KIR3DL3: variants seen among roughly 807,000 people sequenced by gnomAD.
KIR3DL3 encodes the protein killer cell immunoglobulin-like receptor 3DL3.
KIR3DL3 carries 27 observed loss-of-function variants against 34.9 expected under a neutral mutation model. The observed-to-expected ratio is 0.77, with a 90% CI of 0.57 to 1.07. KIR3DL3 has a LOEUF of 1.07. Among genes scored for constraint, KIR3DL3 ranks in the 50% least tolerant of loss-of-function variants. The probability of loss-of-function intolerance (pLI) is 0.00; values close to 1 mark genes in which losing one functional copy is unlikely to be tolerated. For synonymous variants in KIR3DL3, 217 were observed against 200.2 expected (o/e 1.08, Z -0.71); for missense variants, 681 against 528.5 (o/e 1.29, Z -2.83).
chr19:54,728,022 GA>G, intron 4 of KIR3DL3, 112 bp downstream of exon 4: 1 of 1,098,058 alleles, frequency 9.1e-7, no homozygotes, highest in Non-Finnish European at 1.3e-6. Flanking sequence ...CCTATGGAGA[GA>G]AAGTGACTTG....
intron 3 of KIR3DL3, among the ~76,000 whole-genome samples, chr19:54,726,885 AT>A (rs2068242120): frequency 7.9e-6 from 1 of 126,462 alleles, no homozygotes; most frequent in South Asian, 2.8e-4. Flanking sequence ...ACTGGGTCCG[AT>A]TTCTGTTCTC....
chr19:54,732,486 A>G (rs1204266746), intron 5 of KIR3DL3, among the ~76,000 whole-genome samples: 6 of 152,126 alleles, frequency 3.9e-5, no homozygotes, highest in East Asian at 1.9e-4. Context: ...CAAACTCCCA[A>G]TCTCAAGTGA....
At chr19:54,731,648 C>G (rs2240934) in intron 5 of KIR3DL3, among the ~76,000 whole-genome samples, 44,386 of 151,820 alleles carry the variant, frequency 0.29, 7,788 homozygotes, top group East Asian at 0.56. Context: ...ATCAAAGGGA[C>G]AGTAAGGCTG....
rs1568824487 is a variant in KIR3DL3, at chr19:54,727,880, C to G, written c.625C>G (p.Pro209Ala). 1.2e-6 allele frequency: 2 copies of G among 1,612,994 alleles called. No homozygotes were observed. Among genetic ancestry groups the G allele is most frequent in the Non-Finnish European group, 1.7e-6 (2 of 1,179,270 alleles). Residue 209 changes from proline (P) to alanine (A), a missense_variant, in exon 4 of 8, where the codon CCC (proline) becomes GCC (alanine). Physicochemically the swap from Pro to Ala is conservative, Grantham distance 27 (BLOSUM62 -1). Coordinates refer to ENST00000291860, the MANE Select transcript of KIR3DL3 (RefSeq NM_153443.5). ...VTHLPYELSA[P>A]SDPLDIVVVG... Reference sequence around the variant, plus strand: ...TCACTTACCCTATGAGTTGTCGGCTCCCAGTGACCCTCTGGACATCGTGGT... The same window carrying G: ...TCACTTACCCTATGAGTTGTCGGCTGCCAGTGACCCTCTGGACATCGTGGT...
intron 3 of KIR3DL3, 150 bp from the exon 4 acceptor site, chr19:54,727,461 G>A (rs2068311644): frequency 1.3e-6 from 1 of 765,418 alleles, no homozygotes; most frequent in South Asian, 1.9e-5. Flanking sequence ...GGAGGGACCT[G>A]CAACAGGGGT....
At chr19:54,725,451 C>G (rs900787469) in intron 2 of KIR3DL3, among the ~76,000 whole-genome samples, 169 bp downstream of exon 2, 1 of 152,254 alleles carries the variant, frequency 6.6e-6, no homozygotes, top group Non-Finnish European at 1.5e-5. Context: ...CGCCACAGTT[C>G]TGTCCTAGCC....
At chr19:54,730,713 A>G (rs1305054824) in intron 5 of KIR3DL3, among the ~76,000 whole-genome samples, 3 of 152,152 alleles carry the variant, frequency 2.0e-5, no homozygotes, top group Non-Finnish European at 4.4e-5. Flanking sequence ...AGAAATGGAA[A>G]TACTTGTAAT....
intron 4 of KIR3DL3, among the ~76,000 whole-genome samples, chr19:54,728,996 T>C (rs2068497613): frequency 1.6e-5 from 2 of 121,298 alleles, no homozygotes; most frequent in African/African-American, 5.5e-5. Flanking sequence ...TATAGAGAGA[T>C]AGAAAGACAG....
At chr19:54,727,938 C>G in intron 4 of KIR3DL3, 28 bp downstream of exon 4, 2 of 1,576,564 alleles carry the variant, frequency 1.3e-6, no homozygotes, top group Non-Finnish European at 1.7e-6. Context: ...TGCCTCTCAC[C>G]CTTGCTGGGA....
At position 54,726,322 on chromosome 19, in the gene KIR3DL3, G is replaced by T; in HGVS notation, c.340G>T (p.Val114Leu). The change falls in exon 3 of 8, where the codon GTG becomes TTG. Residue 114 changes from valine to leucine, a missense_variant. By Grantham distance (32) the Val-to-Leu change is conservative. Transcript: ENST00000291860. ...GTGGTCGGCACCCAGCAACCCTGTG[G>T]TGATCATGGTCACAGGTCAGAGGCT... ...TGWSAPSNPV[V>L]IMVTGVHRKP... 6.2e-7 allele frequency: 1 copy of T among 1,613,530 alleles called. No individual in the cohort carries two copies. The highest frequency in any genetic ancestry group is 8.5e-7 in the Non-Finnish European group (1 of 1,179,886).
chr19:54,731,245 A>G (rs1376181207), intron 5 of KIR3DL3, among the ~76,000 whole-genome samples: 3 of 152,058 alleles, frequency 2.0e-5, no homozygotes, highest in African/African-American at 7.2e-5. Context: ...ACCTCAAGTG[A>G]CCTACCCACC....
chr19:54,729,925 C>T, intron 5 of KIR3DL3, 139 bp downstream of exon 5: 1 of 556,778 alleles, frequency 1.8e-6, no homozygotes, highest in South Asian at 2.5e-5. Flanking sequence ...GGTCAGGGCG[C>T]AGGATGGCAG....
At position 54,727,684 on chromosome 19, in the gene KIR3DL3, ATGT is replaced by A; in HGVS notation, c.432_434del (p.Cys144del). On this transcript the variant is annotated inframe_deletion, in exon 4 of 8. Coordinates refer to ENST00000291860, the MANE Select transcript of KIR3DL3 (RefSeq NM_153443.5). The stretch of plus-strand genomic sequence containing the variant: ...AATCAGGAGAGACGGTCATCCTGCA[ATGT>A]TGGTCAGATGTCAGGTTTGAGCGCT... The A allele has an allele frequency of 6.2e-7, 1 of 1,612,210 alleles. No individual in the cohort carries two copies. The highest frequency in any genetic ancestry group is 8.5e-7 in the Non-Finnish European group (1 of 1,179,492).
chr19:54,730,889 C>T (rs2068717405), intron 5 of KIR3DL3, among the ~76,000 whole-genome samples: 1 of 152,246 alleles, frequency 6.6e-6, no homozygotes, highest in African/African-American at 2.4e-5. Flanking sequence ...CTGGAACAGT[C>T]ATGGGAGTGC....
At position 54,727,908 on chromosome 19, in the gene KIR3DL3, T is replaced by C; in HGVS notation, c.653T>C (p.Val218Ala). ...AGTGACCCTCTGGACATCGTGGTCG[T>C]AGGTGAGAGAATACAGACCTGCCTC... is the stretch of plus-strand genomic sequence containing the variant. Reference protein sequence around the residue: ...APSDPLDIVVVGLYGKPSLSA... With the variant: ...APSDPLDIVVAGLYGKPSLSA... The change falls in exon 4 of 8, where the codon GTA becomes GCA. Residue 218 changes from valine to alanine, a missense_variant and splice_region_variant. Transcript: ENST00000291860. 1 of 1,606,862 alleles carries C rather than the reference T, an allele frequency of 6.2e-7. No individual in the cohort carries two copies. The highest frequency in any genetic ancestry group is 8.5e-7 in the Non-Finnish European group (1 of 1,175,362).
chr19:54,726,084 G>T lies in KIR3DL3; in HGVS notation c.102G>T (p.Trp34Cys). The T allele has an allele frequency of 1.2e-6, 2 of 1,613,022 alleles. No individual in the cohort carries two copies. Among genetic ancestry groups the T allele is most frequent in the Non-Finnish European group, 1.7e-6 (2 of 1,179,426 alleles). ...AGGACAAGCCCTTCCTCTCTGCCTGGCCCGGCACTGTGGTGTCTGAAGGAC... is the reference window on the plus strand; with the variant it reads ...AGGACAAGCCCTTCCTCTCTGCCTGTCCCGGCACTGTGGTGTCTGAAGGAC... ...GGQDKPFLSA[W>C]PGTVVSEGQH... Residue 34 changes from tryptophan to cysteine, a missense_variant, in exon 3 of 8, where the codon TGG (tryptophan) becomes TGT (cysteine). By Grantham distance (215) the Trp-to-Cys change is radical (BLOSUM62 -2). Coordinates refer to ENST00000291860, the MANE Select transcript of KIR3DL3 (RefSeq NM_153443.5).
At chr19:54,734,160 T>TA (rs1217655853) in intron 5 of KIR3DL3, among the ~76,000 whole-genome samples, 1 of 121,088 alleles carries the variant, frequency 8.3e-6, no homozygotes, top group Non-Finnish European at 1.7e-5. Context: ...TTGGAGAATG[T>TA]AATTTTTTTG....
In KIR3DL3 at chr19:54,735,101, G is replaced by A. The variant is rs1600232120; in HGVS notation, c.950-152G>A. ...AGCACGTTCTATGGTTACTACAACT[G>A]AGAAAGCAGGAGGAAGCTAGGTCTC... On this transcript the variant is annotated intron_variant, in intron 5 of 7. Coordinates refer to ENST00000291860, the MANE Select transcript of KIR3DL3 (RefSeq NM_153443.5). 7.2e-6 allele frequency: 5 copies of A among 692,600 alleles called. No homozygotes were observed. In the East Asian group the frequency reaches 1.2e-4, roughly 17 times the overall value. 42.9% of individuals were successfully genotyped at this position (692,600 alleles called of 1,614,324 possible).
At chr19:54,728,653 A>T (rs1277778018) in intron 4 of KIR3DL3, among the ~76,000 whole-genome samples, 3 of 152,142 alleles carry the variant, frequency 2.0e-5, no homozygotes, top group Admixed American at 2.0e-4. Flanking sequence ...AGAGATAGAA[A>T]AAGAGGGCAG....
Sources: gnomAD v4.1 joint callset for allele counts (sites outside exome capture counted in the v4.1 genomes callset) on GRCh38, gnomAD v4.1.1 for gene constraint, MANE v1.5 for transcripts, NCBI Gene and HGNC (gene_info 2026-07-23, HGNC 2026-07-21) for gene names.